The following EPHB1 variants were observed in gnomAD, a reference collection of about 807,000 sequenced individuals.
EPHB1 encodes the protein ephrin type-B receptor 1.
EPHB1 carries 30 observed loss-of-function variants against 94.4 expected under a neutral mutation model. The observed-to-expected ratio is 0.32, with a 90% CI of 0.24 to 0.43. The LOEUF (loss-of-function observed/expected upper bound fraction) is 0.43. Ranked by LOEUF, EPHB1 falls within the 20% of genes least tolerant of loss-of-function variation. The pLI is 1.00. For synonymous variants in EPHB1, 522 were observed against 489.1 expected, an observed-to-expected ratio of 1.07 and a Z score of -0.89; for missense variants, 1,055 against 1,308.3, an observed-to-expected ratio of 0.81 and a Z score of 2.99.
At position 135,192,602 on chromosome 3, in the gene EPHB1, C is replaced by A; in HGVS notation, c.1909C>A (p.Arg637Ser). The change falls in exon 11 of 16, where the codon CGT becomes AGT. Residue 637 changes from arginine (R) to serine (S), a missense_variant. Coordinates refer to ENST00000398015, the MANE Select transcript of EPHB1 (RefSeq NM_004441.5). ...AGEFGEVYKG[R>S]LKLPGKREIY... ...GGAGTTTGGAGAAGTGTACAAGGGG[C>A]GTTTGAAACTGCCAGGCAAGAGGGA... is the stretch of plus-strand genomic sequence containing the variant. 1 of 1,613,756 alleles carries A rather than the reference C, an allele frequency of 6.2e-7. No individual in the cohort carries two copies. The highest frequency in any genetic ancestry group is 8.5e-7 in the Non-Finnish European group (1 of 1,179,856).
intron 7 of EPHB1, among the ~76,000 whole-genome samples, chr3:135,162,923 T>C (rs1941550969): frequency 6.6e-6 from 1 of 152,214 alleles, no homozygotes; most frequent in Non-Finnish European, 1.5e-5. Context: ...CCATTTACCA[T>C]AGTTTATGTA....
chr3:135,007,999 A>G (rs554416192), intron 3 of EPHB1, among the ~76,000 whole-genome samples: 1 of 152,164 alleles, frequency 6.6e-6, no homozygotes, highest in Non-Finnish European at 1.5e-5. Flanking sequence ...TGACAAAATC[A>G]TGAGGGGAGG....
chr3:134,864,612 G>T (rs183569485), intron 1 of EPHB1, among the ~76,000 whole-genome samples: 1 of 152,214 alleles, frequency 6.6e-6, no homozygotes, highest in African/African-American at 2.4e-5. Flanking sequence ...GGAGGGAAAT[G>T]AATTATTTTA....
intron 3 of EPHB1, among the ~76,000 whole-genome samples, chr3:135,027,967 C>A (rs367963990): frequency 1.4e-5 from 2 of 141,420 alleles, no homozygotes; most frequent in Admixed American, 1.5e-4. Context: ...GTGTATGTGT[C>A]AAGGAATTTA....
At chr3:134,913,062 C>A (rs981198308) in intron 1 of EPHB1, among the ~76,000 whole-genome samples, 1 of 152,172 alleles carries the variant, frequency 6.6e-6, no homozygotes, top group African/African-American at 2.4e-5. Flanking sequence ...TTTCCTTGTT[C>A]CTGTGTTTGT....
chr3:135,072,076 TA>T (rs919173273), intron 3 of EPHB1, among the ~76,000 whole-genome samples: 1 of 151,966 alleles, frequency 6.6e-6, no homozygotes, highest in Admixed American at 6.6e-5. Flanking sequence ...ATGAATGGCT[TA>T]AAAAATGCAA....
intron 1 of EPHB1, among the ~76,000 whole-genome samples, chr3:134,827,363 GCACACA>G (rs61002729): frequency 0.16 from 24,361 of 150,824 alleles, 2,569 homozygotes; most frequent in African/African-American, 0.31. Context: ...GGGTGCGCGT[GCACACA>G]CACACACACA....
In EPHB1 at chr3:135,243,090, A is replaced by G. The variant is rs776780297; in HGVS notation, c.2496+1793A>G. On this transcript the variant is annotated intron_variant, in intron 13 of 15. Transcript: ENST00000398015. ...ACCCTGTCTCAAAAAAAAAAAAAAA[A>G]AAAAGAAAAGAAAAGAAAAGAAAAA... Among the ~76,000 whole-genome samples the G allele has an allele frequency of 7.6e-4, 59 of 78,008 alleles. 1 individual carries two copies. Among genetic ancestry groups the G allele is most frequent in the Admixed American group, 2.3e-3 (18 of 7,928 alleles). 51.2% of individuals were successfully genotyped at this position (78,008 alleles called of 152,430 possible).
At chr3:135,095,607 C>T (rs940761997) in intron 3 of EPHB1, among the ~76,000 whole-genome samples, 2 of 152,160 alleles carry the variant, frequency 1.3e-5, no homozygotes, top group Non-Finnish European at 2.9e-5. Context: ...AGCCATGGGC[C>T]GAGTGGGTGA....
intron 1 of EPHB1, among the ~76,000 whole-genome samples, chr3:134,892,274 A>G (rs1314170837): frequency 6.6e-6 from 1 of 152,202 alleles, no homozygotes; most frequent in Non-Finnish European, 1.5e-5. Context: ...GCTACCCACT[A>G]GTTGTCACAG....
intron 1 of EPHB1, among the ~76,000 whole-genome samples, chr3:134,872,909 G>A (rs2037532655): frequency 6.6e-6 from 1 of 152,198 alleles, no homozygotes; most frequent in African/African-American, 2.4e-5. Flanking sequence ...GCAGAGGTTT[G>A]CTAAATGAAT....
intron 1 of EPHB1, among the ~76,000 whole-genome samples, chr3:134,868,765 C>A (rs1028431743): frequency 1.3e-5 from 2 of 152,188 alleles, no homozygotes; most frequent in African/African-American, 4.8e-5. Context: ...AAAAAGCTGA[C>A]AAACAGTGAA....
At chr3:135,027,104 G>A (rs1936211439) in intron 3 of EPHB1, among the ~76,000 whole-genome samples, 1 of 148,282 alleles carries the variant, frequency 6.7e-6, no homozygotes, top group African/African-American at 2.5e-5. Context: ...TCAGCTTAAG[G>A]AGATTTTGGG....
chr3:134,916,675 C>T (rs962106802), intron 1 of EPHB1, among the ~76,000 whole-genome samples: 26 of 152,348 alleles, frequency 1.7e-4, no homozygotes, highest in South Asian at 2.1e-4. Flanking sequence ...GCTGAGCCCA[C>T]GCCCACCCGG....
At chr3:134,873,299 A>G (rs1256340072) in intron 1 of EPHB1, among the ~76,000 whole-genome samples, 1 of 152,220 alleles carries the variant, frequency 6.6e-6, no homozygotes, top group East Asian at 1.9e-4. Context: ...TGCTGCTCTG[A>G]GTGCTATTAA....
chr3:135,026,077 A>T (rs1274192122), intron 3 of EPHB1, among the ~76,000 whole-genome samples: 1 of 89,346 alleles, frequency 1.1e-5, no homozygotes, highest in Non-Finnish European at 2.3e-5. Flanking sequence ...TTTTTCTTGT[A>T]AATTTGTTTG....
intron 1 of EPHB1, among the ~76,000 whole-genome samples, chr3:134,876,102 G>A (rs573351077): frequency 7.9e-5 from 12 of 152,308 alleles, no homozygotes; most frequent in African/African-American, 2.6e-4. Context: ...GGGCTCCTCA[G>A]TCCCTGTGGG....
chr3:134,900,871 G>T (rs779800283), intron 1 of EPHB1, among the ~76,000 whole-genome samples: 12 of 152,116 alleles, frequency 7.9e-5, no homozygotes, highest in Non-Finnish European at 1.3e-4. Flanking sequence ...GTGTTGGAAG[G>T]TCTCAATGGA....
At chr3:135,189,024 A>G (rs11710182) in intron 10 of EPHB1, among the ~76,000 whole-genome samples, 39,819 of 152,148 alleles carry the variant, frequency 0.26, 5,558 homozygotes, top group East Asian at 0.47. Context: ...GCATGTTTAT[A>G]TTTTATAATT....
Sources: gnomAD v4.1 joint callset for allele counts (sites outside exome capture counted in the v4.1 genomes callset) on GRCh38, gnomAD v4.1.1 for gene constraint, MANE v1.5 for transcripts, NCBI Gene and HGNC (gene_info 2026-07-23, HGNC 2026-07-21) for gene names.